The following TENM3 variants were observed in gnomAD, a reference collection of about 807,000 sequenced individuals.
TENM3 encodes the protein teneurin transmembrane protein 3, also known as teneurin-3.
Under a neutral mutation model 255.1 loss-of-function variants are expected in TENM3, and 63 were observed. The ratio of observed to expected loss-of-function variants is 0.25; its 90% CI spans 0.20 to 0.30. The LOEUF is 0.30. TENM3 is among the 10% of genes least tolerant of loss of function. The probability of loss-of-function intolerance (pLI) is 1.00; values close to 1 mark genes in which losing one functional copy is unlikely to be tolerated. For synonymous variants in TENM3, 1,306 were observed against 1,322.3 expected (o/e 0.99, Z 0.27); for missense variants, 2,929 against 3,461.1 (o/e 0.85, Z 3.86).
chr4:182,633,736 G>A (rs1751601019), intron 5 of TENM3, among the ~76,000 whole-genome samples: 1 of 152,234 alleles, frequency 6.6e-6, no homozygotes, highest in Non-Finnish European at 1.5e-5. Context: ...CTGTGGCTTA[G>A]AGAGATGGCT....
At chr4:181,585,161 T>TA in the TENM3 span, among the ~76,000 whole-genome samples, 82 of 149,762 alleles carry the variant, frequency 5.5e-4, no homozygotes, top group African/African-American at 7.1e-4. Flanking sequence ...ATATTTCAAC[T>TA]AAAAAAAAAA....
intron 1 of TENM3, among the ~76,000 whole-genome samples, chr4:182,226,663 C>G (rs921786148): frequency 5.3e-5 from 8 of 152,138 alleles, no homozygotes; most frequent in African/African-American, 1.9e-4. Context: ...GAGCCTCCCT[C>G]CACCTTGGAC....
the TENM3 span, among the ~76,000 whole-genome samples, chr4:181,995,106 C>T: frequency 4.3e-4 from 66 of 152,030 alleles, no homozygotes; most frequent in African/African-American, 1.4e-3. Context: ...CTAGCCAACA[C>T]GGTGAAACCC....
chr4:182,052,694 C>T, the TENM3 span, among the ~76,000 whole-genome samples: 2,310 of 152,146 alleles, frequency 0.015, 49 homozygotes, highest in African/African-American at 0.053. Flanking sequence ...CTACTCTGGG[C>T]GAGTCAGTCA....
the TENM3 span, among the ~76,000 whole-genome samples, chr4:181,761,745 T>C: frequency 2.6e-5 from 4 of 152,130 alleles, no homozygotes; most frequent in African/African-American, 7.2e-5. Flanking sequence ...TCCTAAGTAC[T>C]GGGCGTATAT....
At chr4:182,695,538 G>C (rs1987251) in intron 12 of TENM3, among the ~76,000 whole-genome samples, 1 of 152,128 alleles carries the variant, frequency 6.6e-6, no homozygotes. Context: ...ATGCATATGA[G>C]GTGTGAAATC....
the TENM3 span, among the ~76,000 whole-genome samples, chr4:182,109,181 T>G: frequency 1.3e-5 from 2 of 148,428 alleles, no homozygotes; most frequent in East Asian, 3.9e-4. Flanking sequence ...ATTTATATTT[T>G]ATATACATTT....
At chr4:182,170,373 C>T (rs1752020924) in intron 1 of TENM3, among the ~76,000 whole-genome samples, 1 of 152,016 alleles carries the variant, frequency 6.6e-6, no homozygotes, top group African/African-American at 2.4e-5. Context: ...TGGTGTAATC[C>T]AGTGTATTTG....
At chr4:181,605,480 G>GAGAAAGAAAGAAAGAA in the TENM3 span, among the ~76,000 whole-genome samples, 7 of 63,956 alleles carry the variant, frequency 1.1e-4, no homozygotes, top group African/African-American at 2.7e-4. Flanking sequence ...GAGAGAAACA[G>GAGAAAGAAAGAAAGAA]AGAAAGAAAG....
the TENM3 span, among the ~76,000 whole-genome samples, chr4:181,796,983 A>T: frequency 6.6e-6 from 1 of 151,906 alleles, no homozygotes; most frequent in Non-Finnish European, 1.5e-5. Flanking sequence ...GTTGTGGGTG[A>T]GTTTATTTCA....
the TENM3 span, among the ~76,000 whole-genome samples, chr4:182,126,516 C>T: frequency 6.6e-6 from 1 of 152,164 alleles, no homozygotes; most frequent in Non-Finnish European, 1.5e-5. Context: ...TCAGATGCTG[C>T]TTACTGAAGA....
intron 3 of TENM3, among the ~76,000 whole-genome samples, chr4:182,420,351 T>C (rs1353109388): frequency 2.6e-5 from 4 of 152,202 alleles, no homozygotes; most frequent in African/African-American, 9.7e-5. Context: ...CTCTGATTAC[T>C]GTATGAGCGA....
At chr4:181,620,305 A>G in the TENM3 span, among the ~76,000 whole-genome samples, 1 of 151,966 alleles carries the variant, frequency 6.6e-6, no homozygotes, top group South Asian at 2.1e-4. Flanking sequence ...AATAAAATAC[A>G]CTAATCTTTT....
chr4:181,533,896 A>G, the TENM3 span, among the ~76,000 whole-genome samples: 4 of 152,196 alleles, frequency 2.6e-5, no homozygotes, highest in Non-Finnish European at 5.9e-5. Flanking sequence ...AACCAGTGCT[A>G]TTATCATTTA....
the TENM3 span, among the ~76,000 whole-genome samples, chr4:181,966,860 A>T: frequency 9.2e-5 from 14 of 152,102 alleles, no homozygotes; most frequent in Non-Finnish European, 1.6e-4. Context: ...CTCTTCTTTG[A>T]CCCACCTGGA....
chr4:181,596,872 G>A, the TENM3 span, among the ~76,000 whole-genome samples: 2 of 152,082 alleles, frequency 1.3e-5, no homozygotes, highest in African/African-American at 4.8e-5. Context: ...ATAAGCGGGA[G>A]GTAAATTATG....
the TENM3 span, among the ~76,000 whole-genome samples, chr4:181,824,307 C>A: frequency 1.3e-5 from 2 of 151,526 alleles, no homozygotes; most frequent in African/African-American, 4.9e-5. Context: ...TTCTATGTCA[C>A]CCAGGCTGGC....
the TENM3 span, among the ~76,000 whole-genome samples, chr4:181,944,375 G>C: frequency 4.3e-3 from 644 of 149,502 alleles, 5 homozygotes; most frequent in African/African-American, 0.015. Flanking sequence ...CTCTTCCCCT[G>C]CTTTTGTGTT....
intron 3 of TENM3, among the ~76,000 whole-genome samples, chr4:182,464,289 C>A (rs1168786918): frequency 2.6e-5 from 4 of 152,094 alleles, no homozygotes; most frequent in African/African-American, 9.7e-5. Flanking sequence ...CAGAATCTCA[C>A]TCTGTCACCC....
Sources: allele counts gnomAD v4.1 joint callset (sites outside exome capture counted in the v4.1 genomes callset), GRCh38; gene constraint gnomAD v4.1.1; transcripts MANE v1.5; gene names NCBI Gene and HGNC (gene_info 2026-07-23, HGNC 2026-07-21).